YEATS4: variants seen among roughly 807,000 people sequenced by gnomAD.
YEATS4 encodes the protein YEATS domain-containing protein 4.
YEATS4 carries 17 observed loss-of-function variants against 30.1 expected under a neutral mutation model. The ratio of observed to expected loss-of-function variants is 0.56; its 90% CI spans 0.39 to 0.85. The LOEUF (loss-of-function observed/expected upper bound fraction) is 0.85. Among genes scored for constraint, YEATS4 ranks in the 40% least tolerant of loss-of-function variants. The probability of loss-of-function intolerance (pLI) is 0.00; values close to 1 mark genes in which losing one functional copy is unlikely to be tolerated. For missense variants in YEATS4, 142 were observed against 268.3 expected, an observed-to-expected ratio of 0.53 and a Z score of 3.29; for synonymous variants, 85 against 87.5, an observed-to-expected ratio of 0.97 and a Z score of 0.16.
At chr12:69,404,196 G>T in the YEATS4 span, among the ~76,000 whole-genome samples, 1 of 152,120 alleles carries the variant, frequency 6.6e-6, no homozygotes, top group East Asian at 1.9e-4. Context: ...TGGGTGTTCT[G>T]CAGGCACCTC....
the YEATS4 span, among the ~76,000 whole-genome samples, chr12:69,411,085 C>G: frequency 1.3e-5 from 2 of 152,134 alleles, no homozygotes; most frequent in Non-Finnish European, 2.9e-5. Context: ...ATTTATTTAA[C>G]AATATATATT....
chr12:69,400,940 T>C, the YEATS4 span: 1 of 152,248 alleles, frequency 6.6e-6, no homozygotes, highest in Non-Finnish European at 1.5e-5. Context: ...TCCCTGCTAT[T>C]CAGGAGGCTG....
intron 6 of YEATS4, among the ~76,000 whole-genome samples, chr12:69,373,566 C>A (rs1299160408): frequency 6.6e-6 from 1 of 152,076 alleles, no homozygotes; most frequent in Non-Finnish European, 1.5e-5. Context: ...TATTTTCTTC[C>A]ATTCTGTGTG....
chr12:69,424,527 C>T, the YEATS4 span, among the ~76,000 whole-genome samples: 60 of 152,298 alleles, frequency 3.9e-4, no homozygotes, highest in East Asian at 0.011. Flanking sequence ...TATGGTTTGC[C>T]TTTGCATCCC....
intron 6 of YEATS4, among the ~76,000 whole-genome samples, chr12:69,384,870 A>G (rs895093092): frequency 1.3e-5 from 2 of 152,232 alleles, no homozygotes; most frequent in Non-Finnish European, 2.9e-5. Context: ...CAGTAGATAA[A>G]TGGGCAGAAG....
chr12:69,360,427 C>T (rs968065830), intron 1 of YEATS4, among the ~76,000 whole-genome samples: 1 of 152,198 alleles, frequency 6.6e-6, no homozygotes, highest in African/African-American at 2.4e-5. Context: ...TCGCTGAGCG[C>T]TTACCCGCAG....
At chr12:69,384,986 A>G (rs1272765565) in intron 6 of YEATS4, among the ~76,000 whole-genome samples, 1 of 151,258 alleles carries the variant, frequency 6.6e-6, no homozygotes, top group African/African-American at 2.5e-5. Context: ...GTGAATGACT[A>G]TATTTGTCCT....
At chr12:69,414,702 C>A in the YEATS4 span, among the ~76,000 whole-genome samples, 103 of 152,184 alleles carry the variant, frequency 6.8e-4, no homozygotes, top group Non-Finnish European at 1.4e-3. Context: ...GGAGGTAGGA[C>A]AATGCACTGA....
the YEATS4 span, among the ~76,000 whole-genome samples, chr12:69,409,411 G>A: frequency 6.6e-6 from 1 of 152,096 alleles, no homozygotes; most frequent in African/African-American, 2.4e-5. Flanking sequence ...GAGGCTAGGA[G>A]TTGGAGACCA....
chr12:69,384,689 C>G (rs1260547972), intron 6 of YEATS4, among the ~76,000 whole-genome samples: 7 of 151,968 alleles, frequency 4.6e-5, no homozygotes, highest in Admixed American at 3.3e-4. Context: ...GAAGGACTTT[C>G]CAAATTTAAA....
At chr12:69,362,663 C>A (rs1026433655) in intron 1 of YEATS4, 125 bp from the exon 2 acceptor site, 2 of 643,392 alleles carry the variant, frequency 3.1e-6, no homozygotes, top group Admixed American at 3.9e-5. Flanking sequence ...TGAGAGAAAT[C>A]CATATTATAA....
At chr12:69,364,109 T>C (rs188569429) in intron 2 of YEATS4, 88 of 426,666 alleles carry the variant, frequency 2.1e-4, no homozygotes, top group Admixed American at 3.9e-4. Flanking sequence ...TTTTGTGTGA[T>C]AAAAATGTTC....
the YEATS4 span, among the ~76,000 whole-genome samples, chr12:69,403,309 G>C: frequency 6.6e-6 from 1 of 152,062 alleles, no homozygotes; most frequent in East Asian, 1.9e-4. Flanking sequence ...AGGTGTGGTT[G>C]CTCACACCTG....
chr12:69,418,570 A>G, the YEATS4 span, among the ~76,000 whole-genome samples: 22 of 152,316 alleles, frequency 1.4e-4, no homozygotes, highest in East Asian at 1.5e-3. Context: ...TCATTTGTCA[A>G]CAAAGGAATG....
intron 6 of YEATS4, among the ~76,000 whole-genome samples, chr12:69,388,652 C>T (rs892972490): frequency 2.0e-5 from 3 of 152,228 alleles, no homozygotes; most frequent in Non-Finnish European, 4.4e-5. Context: ...ATAGATGTGT[C>T]CTGTTTTGCA....
At chr12:69,380,694 C>T (rs987038413) in intron 6 of YEATS4, among the ~76,000 whole-genome samples, 3 of 152,170 alleles carry the variant, frequency 2.0e-5, no homozygotes, top group Non-Finnish European at 4.4e-5. Context: ...AGCCAGATAT[C>T]GGGTGAAATT....
chr12:69,384,213 CTCT>C (rs1254952850), intron 6 of YEATS4, among the ~76,000 whole-genome samples: 1 of 152,162 alleles, frequency 6.6e-6, no homozygotes, highest in East Asian at 1.9e-4. Flanking sequence ...ATTGATCACT[CTCT>C]TCTTTCTCTC....
the YEATS4 span, among the ~76,000 whole-genome samples, chr12:69,414,416 A>T: frequency 6.6e-6 from 1 of 152,028 alleles, no homozygotes; most frequent in Non-Finnish European, 1.5e-5. Context: ...TTTTTTGTAG[A>T]TACGGGGTCT....
chr12:69,425,200 G>A, the YEATS4 span, among the ~76,000 whole-genome samples: 4 of 152,280 alleles, frequency 2.6e-5, no homozygotes, highest in African/African-American at 9.6e-5. Context: ...TGGGGTTACA[G>A]GCATGAGCCA....
Sources: allele counts gnomAD v4.1 joint callset (sites outside exome capture counted in the v4.1 genomes callset), GRCh38; gene constraint gnomAD v4.1.1; transcripts MANE v1.5; gene names NCBI Gene and HGNC (gene_info 2026-07-23, HGNC 2026-07-21).